The following IQCM variants were observed in gnomAD, a reference collection of about 807,000 sequenced individuals.
The protein encoded by IQCM is IQ motif containing M, also known as IQ domain-containing protein M.
In IQCM, 45 loss-of-function variants were observed where a neutral mutation model predicts 57.6. That is an observed-to-expected ratio of 0.78 (90% CI 0.62 to 1.00). The LOEUF (loss-of-function observed/expected upper bound fraction) is 1.00, where lower values mean the gene tolerates loss of function less well. Ranked by LOEUF, IQCM falls within the 50% of genes least tolerant of loss-of-function variation. IQCM has a pLI of 0.00. For synonymous variants in IQCM, 148 were observed against 158.9 expected, an observed-to-expected ratio of 0.93 and a Z score of 0.51; for missense variants, 468 against 511.6, an observed-to-expected ratio of 0.91 and a Z score of 0.82.
intron 13 of IQCM, among the ~76,000 whole-genome samples, chr4:149,423,873 T>C (rs1458329849): frequency 6.6e-6 from 1 of 151,988 alleles, no homozygotes; most frequent in Non-Finnish European, 1.5e-5. Context: ...ATTTATATTT[T>C]ATTTATTAAA....
Position 149,653,133 on chromosome 4 carries a change from GA to G in IQCM, c.565+28984del, listed in dbSNP as rs576508776. On this transcript the variant is annotated intron_variant, in intron 7 of 13. Transcript: ENST00000636793. ...AGATCTTAACTAACCAAAATTTTGA[GA>G]GGGAAAAGAAGTTGGTAAATGGTGT... is the stretch of plus-strand genomic sequence containing the variant. Among the ~76,000 whole-genome samples the G allele has an allele frequency of 4.6e-5, 7 of 152,252 alleles. No individual in the cohort carries two copies. The South Asian group carries it at 1.2e-3, about 27-fold the overall frequency.
chr4:149,566,869 T>G (rs1458224346), intron 9 of IQCM, among the ~76,000 whole-genome samples: 1 of 152,160 alleles, frequency 6.6e-6, no homozygotes, highest in Non-Finnish European at 1.5e-5. Context: ...TTACAAATAA[T>G]GAGTTTGAAA....
intron 13 of IQCM, among the ~76,000 whole-genome samples, chr4:149,379,291 G>A (rs577264150): frequency 1.9e-4 from 29 of 152,232 alleles, no homozygotes; most frequent in South Asian, 6.2e-4. Context: ...GAGGGCCGCC[G>A]TTCTCCAGAT....
intron 6 of IQCM, among the ~76,000 whole-genome samples, chr4:149,683,085 T>C (rs1217924175): frequency 2.0e-5 from 3 of 151,238 alleles, no homozygotes; most frequent in Non-Finnish European, 4.5e-5. Context: ...AAGGTGCACA[T>C]TGTTATTTTG....
intron 13 of IQCM, among the ~76,000 whole-genome samples, chr4:149,410,178 A>T (rs1026781415): frequency 2.6e-5 from 4 of 152,062 alleles, no homozygotes; most frequent in African/African-American, 4.8e-5. Context: ...GCAAGGCTCC[A>T]TTTAAAACAA....
At chr4:149,363,914 C>T (rs923590533) in intron 13 of IQCM, among the ~76,000 whole-genome samples, 2 of 152,084 alleles carry the variant, frequency 1.3e-5, no homozygotes, top group Non-Finnish European at 2.9e-5. Flanking sequence ...AAACATAAAG[C>T]ATAAACAACA....
Position 149,803,800 on chromosome 4 carries a change from A to G in IQCM, c.-49+11511T>C, listed in dbSNP as rs531132787. Among the ~76,000 whole-genome samples the G allele has an allele frequency of 4.6e-5, 7 of 151,872 alleles. No homozygotes were observed. The South Asian group carries it at 1.5e-3, about 32-fold the overall frequency. ...TCATCTCTGGGTTTCCCTACAGACT[A>G]TTTCTTAAATAGGGTCTGAGATGTG... On this transcript the variant is annotated intron_variant, in intron 2 of 13. Transcript: ENST00000636793.
At chr4:149,728,969 T>G (rs1766210562) in intron 5 of IQCM, among the ~76,000 whole-genome samples, 1 of 152,106 alleles carries the variant, frequency 6.6e-6, no homozygotes, top group Non-Finnish European at 1.5e-5. Flanking sequence ...ACAGAAGATA[T>G]CTCCATCTTC....
At chr4:149,370,053 G>A (rs1447984913) in intron 13 of IQCM, among the ~76,000 whole-genome samples, 1 of 151,962 alleles carries the variant, frequency 6.6e-6, no homozygotes, top group Non-Finnish European at 1.5e-5. Flanking sequence ...GGGCCACCAC[G>A]TCTGGCAATT....
chr4:149,563,991 T>A (rs990118544), intron 9 of IQCM, 101 bp from the exon 10 acceptor site: 6 of 531,146 alleles, frequency 1.1e-5, no homozygotes, highest in Non-Finnish European at 1.7e-5. Flanking sequence ...AAATAGGAAA[T>A]ATATTATAAC....
intron 2 of IQCM, among the ~76,000 whole-genome samples, chr4:149,775,862 C>T (rs928630127): frequency 2.0e-5 from 3 of 152,134 alleles, no homozygotes; most frequent in African/African-American, 4.8e-5. Context: ...TGCTGAGCTA[C>T]GTGGGGTTGG....
chr4:149,390,021 A>T (rs1225832531), intron 13 of IQCM, among the ~76,000 whole-genome samples: 1 of 152,026 alleles, frequency 6.6e-6, no homozygotes, highest in Non-Finnish European at 1.5e-5. Flanking sequence ...CTTAGATTTT[A>T]TATGGATTGC....
At chr4:149,600,570 G>T (rs1000970997) in intron 8 of IQCM, among the ~76,000 whole-genome samples, 1 of 152,060 alleles carries the variant, frequency 6.6e-6, no homozygotes, top group African/African-American at 2.4e-5. Flanking sequence ...CTTTAGAAAA[G>T]ATCCAGTGAT....
chr4:149,601,095 C>G (rs1754238785), intron 8 of IQCM, among the ~76,000 whole-genome samples: 1 of 152,166 alleles, frequency 6.6e-6, no homozygotes, highest in African/African-American at 2.4e-5. Context: ...AAAAAGCTCA[C>G]TTAATGTGAA....
At chr4:149,622,366 G>A (rs1443959850) in intron 7 of IQCM, among the ~76,000 whole-genome samples, 4 of 140,548 alleles carry the variant, frequency 2.8e-5, no homozygotes, top group Non-Finnish European at 3.0e-5. Flanking sequence ...TTTTGGAGAC[G>A]TAGTCTCACT....
At chr4:149,602,941 G>C (rs950018065) in intron 8 of IQCM, among the ~76,000 whole-genome samples, 3 of 152,000 alleles carry the variant, frequency 2.0e-5, no homozygotes, top group African/African-American at 7.2e-5. Context: ...GAAAAAGGTA[G>C]GAGTAGGAGA....
At chr4:149,769,748 T>C (rs1770395579) in intron 2 of IQCM, among the ~76,000 whole-genome samples, 2 of 152,054 alleles carry the variant, frequency 1.3e-5, no homozygotes, top group Non-Finnish European at 2.9e-5. Context: ...CTATTGTGCT[T>C]AGGTTTATGC....
At chr4:149,669,672 T>G (rs1053989499) in intron 7 of IQCM, among the ~76,000 whole-genome samples, 1 of 152,176 alleles carries the variant, frequency 6.6e-6, no homozygotes, top group Non-Finnish European at 1.5e-5. Flanking sequence ...AAGGAAGGGA[T>G]CCAGTTTCAG....
At chr4:149,568,226 G>C (rs1027165226) in intron 9 of IQCM, among the ~76,000 whole-genome samples, 1 of 151,996 alleles carries the variant, frequency 6.6e-6, no homozygotes, top group African/African-American at 2.4e-5. Flanking sequence ...TCCAGGTCAC[G>C]GTCTCTGGAA....
Sources: gnomAD v4.1 joint callset for allele counts (sites outside exome capture counted in the v4.1 genomes callset) on GRCh38, gnomAD v4.1.1 for gene constraint, MANE v1.5 for transcripts, NCBI Gene and HGNC (gene_info 2026-07-23, HGNC 2026-07-21) for gene names.